The following QTMAN variants were observed in gnomAD, a reference collection of about 807,000 sequenced individuals.
The protein encoded by QTMAN is tRNA-queuosine alpha-mannosyltransferase.
At chr2:143,995,825 A>G in the QTMAN span, among the ~76,000 whole-genome samples, 2 of 152,158 alleles carry the variant, frequency 1.3e-5, no homozygotes, top group African/African-American at 4.8e-5. Context: ...TAAATAACAG[A>G]CTTGAATATC....
the QTMAN span, among the ~76,000 whole-genome samples, chr2:144,205,694 CAG>C: frequency 6.6e-6 from 1 of 152,128 alleles, no homozygotes; most frequent in African/African-American, 2.4e-5. Flanking sequence ...TTCTAAATAA[CAG>C]AGATTCTTTC....
At chr2:144,146,870 G>A in the QTMAN span, among the ~76,000 whole-genome samples, 1 of 151,782 alleles carries the variant, frequency 6.6e-6, no homozygotes, top group Non-Finnish European at 1.5e-5. Flanking sequence ...GGATCACACT[G>A]GTAGAAAGTT....
chr2:143,941,568 G>C, the QTMAN span: 1 of 151,958 alleles, frequency 6.6e-6, no homozygotes, highest in South Asian at 2.1e-4. Flanking sequence ...CCAGCTACTC[G>C]GGAGGCTGAG....
At chr2:143,972,452 T>A in the QTMAN span, among the ~76,000 whole-genome samples, 2 of 152,064 alleles carry the variant, frequency 1.3e-5, no homozygotes, top group Non-Finnish European at 2.9e-5. Context: ...GTTTTTTTTT[T>A]AATTTTTATT....
chr2:144,064,688 C>T, the QTMAN span, among the ~76,000 whole-genome samples: 1 of 152,138 alleles, frequency 6.6e-6, no homozygotes, highest in African/African-American at 2.4e-5. Flanking sequence ...ATAAAAAATG[C>T]CATGTATGTT....
the QTMAN span, among the ~76,000 whole-genome samples, chr2:144,082,418 G>A: frequency 1.3e-5 from 2 of 152,102 alleles, no homozygotes; most frequent in Non-Finnish European, 2.9e-5. Context: ...AGGTAAATCA[G>A]CAAATATTTG....
chr2:144,315,769 GA>G, the QTMAN span, among the ~76,000 whole-genome samples: 1 of 152,112 alleles, frequency 6.6e-6, no homozygotes, highest in African/African-American at 2.4e-5. Context: ...CAAACAATTA[GA>G]AAAGTATTTT....
the QTMAN span, among the ~76,000 whole-genome samples, chr2:144,020,432 G>C: frequency 6.6e-6 from 1 of 152,222 alleles, no homozygotes. Context: ...GGTATGATCC[G>C]ATTCTTCCGG....
chr2:144,254,178 T>G, the QTMAN span, among the ~76,000 whole-genome samples: 1 of 152,190 alleles, frequency 6.6e-6, no homozygotes, highest in Non-Finnish European at 1.5e-5. Context: ...TCCCAGCACT[T>G]TGGGAGGCCA....
the QTMAN span, among the ~76,000 whole-genome samples, chr2:144,331,569 C>T: frequency 6.6e-6 from 1 of 151,954 alleles, no homozygotes; most frequent in African/African-American, 2.4e-5. Flanking sequence ...CATCACACGG[C>T]CTCAAGGCAT....
At chr2:144,163,321 T>G in the QTMAN span, among the ~76,000 whole-genome samples, 4 of 152,192 alleles carry the variant, frequency 2.6e-5, no homozygotes, top group East Asian at 7.7e-4. Context: ...ACAATAAAAC[T>G]TGTAATAGTA....
At chr2:144,284,191 A>G in the QTMAN span, among the ~76,000 whole-genome samples, 1 of 152,082 alleles carries the variant, frequency 6.6e-6, no homozygotes, top group Non-Finnish European at 1.5e-5. Context: ...TAACAAATTA[A>G]TCAAAGACCT....
chr2:143,982,615 C>T, the QTMAN span, among the ~76,000 whole-genome samples: 4 of 151,242 alleles, frequency 2.6e-5, no homozygotes, highest in Non-Finnish European at 5.9e-5. Context: ...AATCCCAGTA[C>T]TTTGGCAGGC....
chr2:144,099,032 C>T, the QTMAN span, among the ~76,000 whole-genome samples: 1 of 152,126 alleles, frequency 6.6e-6, no homozygotes, highest in Non-Finnish European at 1.5e-5. Flanking sequence ...AAGACAGAAT[C>T]TCCATATATA....
chr2:144,272,607 T>C, the QTMAN span, among the ~76,000 whole-genome samples: 12 of 152,310 alleles, frequency 7.9e-5, no homozygotes, highest in Non-Finnish European at 1.2e-4. Context: ...GAGACAGTTT[T>C]ACTGACACAG....
the QTMAN span, among the ~76,000 whole-genome samples, chr2:144,280,974 C>T: frequency 2.0e-5 from 3 of 151,230 alleles, no homozygotes; most frequent in Admixed American, 6.6e-5. Flanking sequence ...TTGTTACATA[C>T]GTATACATGT....
chr2:144,141,663 A>G, the QTMAN span, among the ~76,000 whole-genome samples: 3 of 151,712 alleles, frequency 2.0e-5, no homozygotes, highest in Admixed American at 2.0e-4. Context: ...AAAAGAAAAG[A>G]AAAGAAAAGA....
the QTMAN span, among the ~76,000 whole-genome samples, chr2:144,175,837 G>C: frequency 1.3e-5 from 2 of 151,992 alleles, no homozygotes; most frequent in African/African-American, 4.8e-5. Context: ...GCTAGTTTTT[G>C]CATTTTTAGC....
At chr2:144,133,488 TATATATTATATAATATATATACATA>T in the QTMAN span, among the ~76,000 whole-genome samples, 1 of 75,820 alleles carries the variant, frequency 1.3e-5, no homozygotes, top group Non-Finnish European at 2.4e-5. Context: ...ATATATAAAA[TATATATTATATAATATATATACATA>T]ATATATATAA....
Sources: gnomAD v4.1 joint callset for allele counts (sites outside exome capture counted in the v4.1 genomes callset) on GRCh38, gnomAD v4.1.1 for gene constraint, MANE v1.5 for transcripts, NCBI Gene and HGNC (gene_info 2026-07-23, HGNC 2026-07-21) for gene names.